The following SPOCK3 variants were observed in gnomAD, a reference collection of about 807,000 sequenced individuals.
The protein encoded by SPOCK3 is SPARC (osteonectin), cwcv and kazal like domains proteoglycan 3, also known as testican-3.
A neutral mutation model predicts 56.6 loss-of-function variants in SPOCK3; 30 were observed. The ratio of observed to expected loss-of-function variants is 0.53; its 90% CI spans 0.40 to 0.72. The LOEUF (loss-of-function observed/expected upper bound fraction) is 0.72. SPOCK3 is among the 30% of genes least tolerant of loss of function. The pLI, the probability that SPOCK3 is intolerant of heterozygous loss-of-function variation, is 0.00. For synonymous variants in SPOCK3, 196 were observed against 183.3 expected, an observed-to-expected ratio of 1.07 and a Z score of -0.56; for missense variants, 527 against 530.0, an observed-to-expected ratio of 0.99 and a Z score of 0.06.
At chr4:166,777,511 T>C (rs1739694648) in intron 7 of SPOCK3, among the ~76,000 whole-genome samples, 1 of 152,130 alleles carries the variant, frequency 6.6e-6, no homozygotes, top group Non-Finnish European at 1.5e-5. Flanking sequence ...GTGTGGTGGC[T>C]CAGGCCATTA....
At chr4:166,944,182 G>T (rs532321446) in intron 4 of SPOCK3, among the ~76,000 whole-genome samples, 13 of 151,988 alleles carry the variant, frequency 8.6e-5, no homozygotes, top group African/African-American at 3.1e-4. Flanking sequence ...AAAATGTTAA[G>T]AATTACAAAA....
intron 6 of SPOCK3, among the ~76,000 whole-genome samples, chr4:166,793,096 A>C (rs1425776205): frequency 6.6e-6 from 1 of 152,166 alleles, no homozygotes; most frequent in Non-Finnish European, 1.5e-5. Flanking sequence ...AAAGCCACTA[A>C]TTTACATTGT....
intron 5 of SPOCK3, among the ~76,000 whole-genome samples, chr4:166,905,808 TTAACAATA>T (rs1273086841): frequency 6.6e-6 from 1 of 151,838 alleles, no homozygotes; most frequent in Non-Finnish European, 1.5e-5. Flanking sequence ...GTATAGAAAA[TTAACAATA>T]TAACAATATA....
At chr4:166,896,114 G>A (rs1735355484) in intron 5 of SPOCK3, among the ~76,000 whole-genome samples, 1 of 152,262 alleles carries the variant, frequency 6.6e-6, no homozygotes, top group East Asian at 1.9e-4. Flanking sequence ...ATAGGAAAGT[G>A]AGTATAAAAA....
chr4:167,229,645 T>C (rs1260677307), intron 2 of SPOCK3, among the ~76,000 whole-genome samples: 3 of 152,122 alleles, frequency 2.0e-5, no homozygotes, highest in Non-Finnish European at 4.4e-5. Flanking sequence ...ATTAAGAATG[T>C]TCTGCTTACT....
chr4:167,202,636 T>G (rs1455969479), intron 2 of SPOCK3, among the ~76,000 whole-genome samples: 1 of 146,666 alleles, frequency 6.8e-6, no homozygotes, highest in Non-Finnish European at 1.5e-5. Flanking sequence ...TTACAAACCA[T>G]GTTGCCAATC....
intron 2 of SPOCK3, among the ~76,000 whole-genome samples, chr4:167,168,864 C>T (rs1472115904): frequency 2.0e-5 from 3 of 152,122 alleles, no homozygotes; most frequent in African/African-American, 7.2e-5. Flanking sequence ...GTGGGGCAGG[C>T]ACACAGCCCT....
intron 3 of SPOCK3, among the ~76,000 whole-genome samples, chr4:167,058,308 G>T (rs536563509): frequency 6.6e-6 from 1 of 152,054 alleles, no homozygotes; most frequent in Non-Finnish European, 1.5e-5. Context: ...AAAGTCTCAG[G>T]ATACAAAATC....
chr4:167,129,769 T>C (rs1360800284), intron 2 of SPOCK3, among the ~76,000 whole-genome samples: 2 of 152,178 alleles, frequency 1.3e-5, no homozygotes, highest in East Asian at 3.9e-4. Flanking sequence ...AGATAAAAAA[T>C]AAAATATAAA....
chr4:167,233,332 C>CG (rs1737378210), intron 2 of SPOCK3, among the ~76,000 whole-genome samples: 1 of 152,168 alleles, frequency 6.6e-6, no homozygotes. Context: ...GCAATCCTCC[C>CG]GCCCTCGCAA....
intron 2 of SPOCK3, among the ~76,000 whole-genome samples, chr4:167,108,991 TTTATATATATATAAATATATAC>T (rs1459537146): frequency 0.036 from 952 of 26,200 alleles, 144 homozygotes; most frequent in African/African-American, 0.065. Flanking sequence ...TAAATATATA[TTTATATATATATAAATATATAC>T]TTATATAAAA....
chr4:166,779,586 A>G (rs1739941606), intron 7 of SPOCK3, among the ~76,000 whole-genome samples: 1 of 152,144 alleles, frequency 6.6e-6, no homozygotes, highest in African/African-American at 2.4e-5. Flanking sequence ...TTGAAAAAAA[A>G]GAAAAAGATT....
At chr4:167,015,511 T>C (rs889730778) in intron 3 of SPOCK3, among the ~76,000 whole-genome samples, 2 of 152,204 alleles carry the variant, frequency 1.3e-5, no homozygotes, top group Admixed American at 6.5e-5. Context: ...TTGATGTTGC[T>C]TAAATAGAGC....
intron 5 of SPOCK3, 66 bp from the exon 6 acceptor site, chr4:166,889,310 T>G: frequency 9.6e-7 from 1 of 1,039,488 alleles, no homozygotes; most frequent in Non-Finnish European, 1.5e-6. Context: ...CTCAAGAAAT[T>G]TTTAGAAAGA....
intron 3 of SPOCK3, among the ~76,000 whole-genome samples, chr4:167,060,018 G>A (rs1755410376): frequency 6.6e-6 from 1 of 151,102 alleles, no homozygotes; most frequent in South Asian, 2.1e-4. Context: ...GGGGGAGTGG[G>A]GAGGGATAGC....
At chr4:167,162,446 C>T (rs1176941174) in intron 2 of SPOCK3, among the ~76,000 whole-genome samples, 1 of 152,118 alleles carries the variant, frequency 6.6e-6, no homozygotes, top group Non-Finnish European at 1.5e-5. Context: ...ACAGTTGACA[C>T]TAGCCCCATG....
intron 6 of SPOCK3, among the ~76,000 whole-genome samples, chr4:166,828,310 TAAA>T (rs1745690348): frequency 6.6e-6 from 1 of 152,058 alleles, no homozygotes; most frequent in Non-Finnish European, 1.5e-5. Flanking sequence ...ACTTAAATAA[TAAA>T]TTTTTATAAC....
At chr4:166,835,339 C>G (rs1746498887) in intron 6 of SPOCK3, among the ~76,000 whole-genome samples, 2 of 152,128 alleles carry the variant, frequency 1.3e-5, no homozygotes, top group Admixed American at 1.3e-4. Context: ...TCAACAATGA[C>G]ATCAGCATTT....
At chr4:167,225,199 A>C (rs1017783029) in intron 2 of SPOCK3, among the ~76,000 whole-genome samples, 1 of 152,168 alleles carries the variant, frequency 6.6e-6, no homozygotes, top group African/African-American at 2.4e-5. Context: ...AAACCAATAA[A>C]TGAACTAATG....
Sources: allele counts gnomAD v4.1 joint callset (sites outside exome capture counted in the v4.1 genomes callset), GRCh38; gene constraint gnomAD v4.1.1; transcripts MANE v1.5; gene names NCBI Gene and HGNC (gene_info 2026-07-23, HGNC 2026-07-21).